GLI3: variants seen among roughly 807,000 people sequenced by gnomAD.
GLI3 encodes transcription activator GLI3.
In GLI3, 20 loss-of-function variants were observed where a neutral mutation model predicts 100.8. That is an observed-to-expected ratio of 0.20 (90% confidence interval 0.14 to 0.29). The LOEUF (loss-of-function observed/expected upper bound fraction) is 0.29. GLI3 is among the 10% of genes least tolerant of loss of function. The pLI, the probability that GLI3 is intolerant of heterozygous loss-of-function variation, is 1.00. For missense variants in GLI3, 2,040 were observed against 2,128.5 expected (o/e 0.96, Z 0.82); for synonymous variants, 938 against 860.5 (o/e 1.09, Z -1.58).
At chr7:42,237,851 G>A (rs1788849911), upstream of GLI3, 1 of 151,012 alleles carries the variant, frequency 6.6e-6, no homozygotes, top group African/African-American at 2.4e-5. Flanking sequence ...GGGTCCCCAA[G>A]CCCGGAGTGG....
Position 42,200,460 on chromosome 7 carries a change from T to C in GLI3, c.124+22670A>G, listed in dbSNP as rs541929667. 3.9e-5 allele frequency among the ~76,000 whole-genome samples: 6 copies of C among 152,298 alleles called. No homozygotes were observed. In the South Asian group the frequency reaches 8.3e-4, roughly 21 times the overall value. On this transcript the variant is annotated intron_variant, in intron 2 of 14. Coordinates refer to ENST00000395925, the MANE Select transcript of GLI3 (RefSeq NM_000168.6). ...AAGAATTAGCACTAACTCATGTAGATGCAGAAAGCCAGAGAACGCTCCACT... is the reference window on the plus strand; with the variant it reads ...AAGAATTAGCACTAACTCATGTAGACGCAGAAAGCCAGAGAACGCTCCACT...
At chr7:41,983,786 G>A (rs1171862706) in intron 10 of GLI3, among the ~76,000 whole-genome samples, 1 of 152,112 alleles carries the variant, frequency 6.6e-6, no homozygotes, top group Non-Finnish European at 1.5e-5. Context: ...AATTTCCCCA[G>A]AAAAGCCAAG....
At chr7:42,214,696 T>C in intron 2 of GLI3, among the ~76,000 whole-genome samples, 1 of 151,914 alleles carries the variant, frequency 6.6e-6, no homozygotes, top group Non-Finnish European at 1.5e-5. Flanking sequence ...ATTTGCTATT[T>C]TCCCTTTAGG....
At chr7:42,212,199 G>C (rs1292917496) in intron 2 of GLI3, among the ~76,000 whole-genome samples, 1 of 152,074 alleles carries the variant, frequency 6.6e-6, no homozygotes, top group Non-Finnish European at 1.5e-5. Flanking sequence ...TATTTTTAAA[G>C]ATAAATATGC....
At chr7:42,251,495 C>G (rs890996056) in intron 1 of GLI3, among the ~76,000 whole-genome samples, 3 of 152,060 alleles carry the variant, frequency 2.0e-5, no homozygotes, top group African/African-American at 7.2e-5. Context: ...TGGCTGGGGA[C>G]CCCCCTGCTC....
chr7:42,032,672 T>C lies in GLI3; in HGVS notation c.1029-6260A>G, dbSNP rs562191359. 1.3e-5 allele frequency among the ~76,000 whole-genome samples: 2 copies of C among 152,298 alleles called. 1 individual carries two copies. Among genetic ancestry groups the C allele is most frequent in the African/African-American group, 4.8e-5 (2 of 41,564 alleles). ...ACTGGATTCCTTAACAATGGTACTA[T>C]AAATAAAGCAGCATAATATGGCTTG... On this transcript the variant is annotated intron_variant, in intron 7 of 14. Transcript: ENST00000395925.
At chr7:41,973,722 T>C (rs1449712562) in intron 12 of GLI3, among the ~76,000 whole-genome samples, 2 of 152,190 alleles carry the variant, frequency 1.3e-5, no homozygotes, top group Non-Finnish European at 2.9e-5. Flanking sequence ...GTAGAATGTA[T>C]GTCTAAAAGA....
intron 2 of GLI3, chr7:42,172,439 A>G: frequency 1.6e-6 from 1 of 631,372 alleles, no homozygotes; most frequent in Non-Finnish European, 2.9e-6. Flanking sequence ...TTAGATAGTA[A>G]GATGAAAAAG....
chr7:41,966,343 G>A lies in GLI3; in HGVS notation c.2730C>T (p.Ser910=). 2 of 1,607,746 alleles carry A rather than the reference G, an allele frequency of 1.2e-6. No homozygotes were observed. Among genetic ancestry groups the A allele is most frequent in the Non-Finnish European group, 1.7e-6 (2 of 1,179,224 alleles). The change falls in exon 15 of 15, where the codon AGC becomes AGT. Residue 910 remains serine, a synonymous_variant. Transcript: ENST00000395925. The surrounding 1 kb of genome is among the most constrained non-coding windows in gnomAD (Gnocchi z 5.8). ...GCAGGCTGGGCAGGCCGTCGCTCTGGCTGGCTTCGCTGGAGCGGCGCGAGG... is the reference window on the plus strand; with the variant it reads ...GCAGGCTGGGCAGGCCGTCGCTCTGACTGGCTTCGCTGGAGCGGCGCGAGG... ...TDASRRSSEA[S]QSDGLPSLLS... is the part of the protein sequence containing the mutation.
At chr7:42,020,889 C>A (rs1378428321) in intron 10 of GLI3, among the ~76,000 whole-genome samples, 7 of 113,116 alleles carry the variant, frequency 6.2e-5, no homozygotes, top group South Asian at 6.1e-4. Context: ...GACTCCGTCT[C>A]AAAAAAAAAA....
In GLI3 at chr7:41,972,605, G is replaced by A. The variant is rs1787394874; in HGVS notation, c.1835C>T (p.Pro612Leu). 6.2e-7 allele frequency: 1 copy of A among 1,605,904 alleles called. No homozygotes were observed. Among genetic ancestry groups the A allele is most frequent in the Admixed American group, 1.7e-5 (1 of 60,000 alleles). The change falls in exon 13 of 15, where the codon CCA becomes CTA. Residue 612 changes from proline (P) to leucine (L), a missense_variant. By Grantham distance (98) the Pro-to-Leu change is moderately conservative. This residue lies in a region of GLI3 where 61 missense variants were observed against 150.9 expected (regional missense o/e 0.40). Coordinates refer to ENST00000395925, the MANE Select transcript of GLI3 (RefSeq NM_000168.6). The surrounding 1 kb of genome is among the most constrained non-coding windows in gnomAD (Gnocchi z 4.4). ...SNEKPYVCKIPGCTKRYTDPS... is the reference protein window; with the variant it reads ...SNEKPYVCKILGCTKRYTDPS... The stretch of plus-strand genomic sequence containing the variant: ...GTCTGTGTAACGCTTAGTGCAGCCT[G>A]GGATTTTGCACACATATGGTTTCTG...
chr7:42,186,849 T>C (rs539964529), intron 2 of GLI3, among the ~76,000 whole-genome samples: 142 of 152,326 alleles, frequency 9.3e-4, no homozygotes, highest in African/African-American at 3.3e-3. Context: ...TTAAATAAAA[T>C]AATGGCTAAA....
chr7:42,172,394 A>ATT (rs1787391615), intron 2 of GLI3: 1 of 611,714 alleles, frequency 1.6e-6, no homozygotes, highest in African/African-American at 1.8e-5. Context: ...GTAGAGGAGA[A>ATT]TTTGCATGGC....
chr7:42,229,566 T>C (rs778756812), intron 1 of GLI3, among the ~76,000 whole-genome samples: 52 of 152,320 alleles, frequency 3.4e-4, no homozygotes, highest in Middle Eastern at 6.8e-3. Context: ...AGAAAGCAGC[T>C]TGTCATAAGG....
At chr7:42,046,511 A>G (rs1207134376) in intron 5 of GLI3, among the ~76,000 whole-genome samples, 2 of 152,196 alleles carry the variant, frequency 1.3e-5, no homozygotes, top group African/African-American at 4.8e-5. Flanking sequence ...ATGTTACTTT[A>G]TTTGATTATA....
At chr7:41,995,277 C>G (rs1231168749) in intron 10 of GLI3, among the ~76,000 whole-genome samples, 2 of 152,116 alleles carry the variant, frequency 1.3e-5, no homozygotes, top group African/African-American at 4.8e-5. Context: ...TGAATCCATC[C>G]GTCATAGATG....
chr7:42,048,255 C>T (rs963364525), intron 5 of GLI3, among the ~76,000 whole-genome samples: 2 of 152,092 alleles, frequency 1.3e-5, no homozygotes, highest in African/African-American at 2.4e-5. Flanking sequence ...GGATTGACTG[C>T]GTTGCAAGTA....
At chr7:42,244,483 C>T (rs1788953417) in intron 1 of GLI3, among the ~76,000 whole-genome samples, 1 of 152,140 alleles carries the variant, frequency 6.6e-6, no homozygotes, top group South Asian at 2.1e-4. Context: ...GCCTGAAATA[C>T]AAATTTATTG....
chr7:42,070,157 A>G (rs1172248548), intron 4 of GLI3, among the ~76,000 whole-genome samples: 3 of 152,224 alleles, frequency 2.0e-5, no homozygotes, highest in African/African-American at 7.2e-5. Context: ...AATTTACCAA[A>G]CCACTCCAGT....
Sources: gnomAD v4.1 joint callset for allele counts (sites outside exome capture counted in the v4.1 genomes callset) on GRCh38, gnomAD v4.1.1 for gene constraint, gnomAD v4.1.1 regional missense constraint, Gnocchi (gnomAD v3.1) non-coding constraint, MANE v1.5 for transcripts, NCBI Gene and HGNC (gene_info 2026-07-23, HGNC 2026-07-21) for gene names.